Variants in HNF1A observed in about 807,000 individuals in gnomAD.
HNF1A encodes hepatocyte nuclear factor 1-alpha.
HNF1A carries 21 observed loss-of-function variants against 62.2 expected under a neutral mutation model. That is an observed-to-expected ratio of 0.34 (90% CI 0.24 to 0.49). HNF1A has a LOEUF of 0.49. Among genes scored for constraint, HNF1A ranks in the 20% least tolerant of loss-of-function variants. The pLI is 0.99. For synonymous variants in HNF1A, 374 were observed against 366.8 expected (o/e 1.02, Z -0.22); for missense variants, 687 against 832.3 (o/e 0.83, Z 2.15).
At position 120,996,817 on chromosome 12, in the gene HNF1A, G is replaced by A; in HGVS notation, c.1309+75G>A. ...ACCGCAGAATCCAGGAGCTGGAAGA[G>A]CCACTGGGACTCATTCATTCATTCA... On this transcript the variant is annotated intron_variant, in intron 6 of 9. Coordinates refer to ENST00000257555, the MANE Select transcript of HNF1A (RefSeq NM_000545.8). The surrounding 1 kb of genome is among the most constrained non-coding windows in gnomAD (Gnocchi z 4.5). 6.4e-7 allele frequency: 1 copy of A among 1,554,218 alleles called. No individual in the cohort carries two copies. The highest frequency in any genetic ancestry group is 8.7e-7 in the Non-Finnish European group (1 of 1,152,972).
Position 120,994,266 on chromosome 12 carries a change from C to G in HNF1A, c.816C>G (p.Arg272=), listed in dbSNP as rs2135841894. The G allele has an allele frequency of 6.2e-7, 1 of 1,613,542 alleles. No individual in the cohort carries two copies. Among genetic ancestry groups the G allele is most frequent in the South Asian group, 1.1e-5 (1 of 90,956 alleles). Residue 272 remains arginine, a synonymous_variant, in exon 4 of 10, where the codon CGC becomes CGG. Coordinates refer to ENST00000257555, the MANE Select transcript of HNF1A (RefSeq NM_000545.8). ...VRVYNWFANR[R]KEEAFRHKLA... is the part of the protein sequence containing the mutation. ...TCTACAACTGGTTTGCCAACCGGCG[C>G]AAAGAAGAAGCCTTCCGGCACAAGC...
In HNF1A at chr12:120,993,652, G is replaced by A; in HGVS notation, c.659G>A (p.Arg220Lys). ...SQQILFQAYERQKNPSKEERE... is the reference protein window; with the variant it reads ...SQQILFQAYEKQKNPSKEERE... ...CAGATCCTGTTCCAGGCCTATGAGA[G>A]GCAGAAGAACCCTAGCAAGGAGGAG... Residue 220 changes from arginine (R) to lysine (K), a missense_variant, in exon 3 of 10, where the codon AGG (arginine) becomes AAG (lysine). This residue lies in a region of HNF1A where 47 missense variants were observed against 109.4 expected (regional missense o/e 0.43). Coordinates refer to ENST00000257555, the MANE Select transcript of HNF1A (RefSeq NM_000545.8). The A allele has an allele frequency of 2.5e-6, 4 of 1,614,126 alleles. No individual in the cohort carries two copies. Among genetic ancestry groups the A allele is most frequent in the Non-Finnish European group, 3.4e-6 (4 of 1,180,032 alleles).
rs1555211904 is a variant in HNF1A, at chr12:120,993,519, G to A, written c.527-1G>A. 6.2e-7 allele frequency: 1 copy of A among 1,613,924 alleles called. No individual in the cohort carries two copies. Among genetic ancestry groups the A allele is most frequent in the Non-Finnish European group, 8.5e-7 (1 of 1,179,922 alleles). ...CCACTCACGGCTTTCTGTGCCTGCA[G>A]AGTTCACCCATGCAGGGCAGGGAGG... On this transcript the variant is annotated splice_acceptor_variant, in intron 2 of 9. Coordinates refer to ENST00000257555, the MANE Select transcript of HNF1A (RefSeq NM_000545.8). LOFTEE classifies it high-confidence loss of function.
rs2135845035 is a variant in HNF1A at position 120,996,253 on chromosome 12, C to T, written c.956-9C>T. 2 of 1,613,900 alleles carry T rather than the reference C, an allele frequency of 1.2e-6. No homozygotes were observed. Among genetic ancestry groups the T allele is most frequent in the Non-Finnish European group, 1.7e-6 (2 of 1,180,018 alleles). ...GGGTGCTGAGGCAGGACACTGCTTC[C>T]CTCTCCAGGTGTGCGCTATGGACAG... On this transcript the variant is annotated splice_polypyrimidine_tract_variant and intron_variant, in intron 4 of 9. Transcript: ENST00000257555. This position sits in a 1 kb window ranked among gnomAD's most constrained non-coding sequence, Gnocchi z 4.5.
chr12:120,989,389 C>T (rs959823180), intron 2 of HNF1A, among the ~76,000 whole-genome samples: 1 of 152,206 alleles, frequency 6.6e-6, no homozygotes, highest in African/African-American at 2.4e-5. Flanking sequence ...TCCGGAATAG[C>T]TGGGATCACA....
Position 120,996,644 on chromosome 12 carries a change from T to C in HNF1A, c.1211T>C (p.Ile404Thr), listed in dbSNP as rs1204512745. 7 of 1,614,006 alleles carry C rather than the reference T, an allele frequency of 4.3e-6. No homozygotes were observed. Among genetic ancestry groups the C allele is most frequent in the South Asian group, 3.3e-5 (3 of 91,072 alleles). ...PGLNQQPQNL[I>T]MASLPGVMTI... is the part of the protein sequence containing the mutation. ...CTCAACCAGCAGCCCCAGAACCTCA[T>C]CATGGCCTCACTTCCTGGGGTCATG... Residue 404 changes from isoleucine to threonine, a missense_variant, in exon 6 of 10, where the codon ATC (isoleucine) becomes ACC (threonine). Transcript: ENST00000257555. The surrounding 1 kb of genome is among the most constrained non-coding windows in gnomAD (Gnocchi z 4.5).
intron 9 of HNF1A, 80 bp downstream of exon 9, chr12:120,999,707 G>A (rs1231006507): frequency 1.5e-5 from 22 of 1,514,878 alleles, no homozygotes; most frequent in East Asian, 4.8e-5. Flanking sequence ...GTTGCTGTCC[G>A]TCACTGTGGG....
At chr12:120,980,285 C>T (rs1298405447) in intron 1 of HNF1A, among the ~76,000 whole-genome samples, 3 of 151,974 alleles carry the variant, frequency 2.0e-5, no homozygotes, top group Non-Finnish European at 4.4e-5. Flanking sequence ...CAGGGGGTGG[C>T]CAGGGAGTCA....
intron 4 of HNF1A, among the ~76,000 whole-genome samples, chr12:120,995,943 ATTCAATTCAT>A (rs1446658310): frequency 6.6e-6 from 1 of 152,164 alleles, no homozygotes; most frequent in Non-Finnish European, 1.5e-5. Context: ...GATTGTATCA[ATTCAATTCAT>A]TTCAATTCAA....
chr12:120,985,040 G>A (rs1174993411), intron 1 of HNF1A, among the ~76,000 whole-genome samples: 1 of 151,476 alleles, frequency 6.6e-6, no homozygotes, highest in Non-Finnish European at 1.5e-5. Context: ...CGACCTCTCG[G>A]GCTCAAGAGA....
At chr12:120,988,268 C>G (rs965711596) in intron 1 of HNF1A, among the ~76,000 whole-genome samples, 3 of 144,978 alleles carry the variant, frequency 2.1e-5, no homozygotes, top group Non-Finnish European at 4.6e-5. Context: ...ATCCACCCAC[C>G]CACCCACCAA....
chr12:120,994,465 C>A (rs779186810), intron 4 of HNF1A, 60 bp downstream of exon 4: 123 of 1,541,262 alleles, frequency 8.0e-5, no homozygotes, highest in South Asian at 3.4e-4. Flanking sequence ...GGAGGACTGT[C>A]CCAGTGACAG....
At position 121,001,390 on chromosome 12, in the gene HNF1A, T is replaced by G. The variant is rs1592901155; in HGVS notation, c.*198T>G. The stretch of plus-strand genomic sequence containing the variant: ...CCCAACCCGTGGAGGCTGCTCGGGG[T>G]GCACAGGAGGGGGTCGTGGAGAGCT... On this transcript the variant is annotated 3_prime_UTR_variant, in exon 10 of 10. Transcript: ENST00000257555. 1 of 635,990 alleles carries G rather than the reference T, an allele frequency of 1.6e-6. No homozygotes were observed. 39.4% of individuals were successfully genotyped at this position (635,990 alleles called of 1,614,324 possible). A position where few individuals can be genotyped will look rare whatever the true frequency, so the allele number is the denominator to read the frequency against.
chr12:121,001,221 C>A lies in HNF1A; in HGVS notation c.*29C>A. The stretch of plus-strand genomic sequence containing the variant: ...CGGCACCTGGGCCCTGGGGCCTGTA[C>A]TGCCTGCTTGGGGGGTGATGAGGGC... On this transcript the variant is annotated 3_prime_UTR_variant, in exon 10 of 10. Transcript: ENST00000257555. The A allele has an allele frequency of 6.2e-7, 1 of 1,612,840 alleles. No homozygotes were observed. Among genetic ancestry groups the A allele is most frequent in the Non-Finnish European group, 8.5e-7 (1 of 1,179,606 alleles).
At chr12:120,992,762 C>G (rs577142232) in intron 2 of HNF1A, among the ~76,000 whole-genome samples, 1 of 152,310 alleles carries the variant, frequency 6.6e-6, no homozygotes, top group Non-Finnish European at 1.5e-5. Flanking sequence ...GAGACCCCAT[C>G]TCTCCAAAAA....
At chr12:120,993,845 A>G (rs1876947734) in intron 3 of HNF1A, 139 bp downstream of exon 3, 2 of 957,702 alleles carry the variant, frequency 2.1e-6, no homozygotes, top group Non-Finnish European at 1.6e-6. Context: ...GGCCCAGAAA[A>G]TTGAGAATAC....
intron 9 of HNF1A, chr12:121,000,795 AC>A: frequency 2.0e-6 from 1 of 500,742 alleles, no homozygotes; most frequent in South Asian, 2.0e-5. Flanking sequence ...CCAAGCCAAC[AC>A]GTACAACTAC....
chr12:120,990,459 AGCCAGGCAT>A (rs148051661), intron 2 of HNF1A, among the ~76,000 whole-genome samples: 8,830 of 152,170 alleles, frequency 0.058, 480 homozygotes, highest in East Asian at 0.19. Context: ...AAAAGGAAAT[AGCCAGGCAT>A]GGTGGTGTGC....
chr12:120,983,694 C>G (rs56309579), intron 1 of HNF1A, among the ~76,000 whole-genome samples: 2,156 of 151,892 alleles, frequency 0.014, 27 homozygotes, highest in Non-Finnish European at 0.019. Flanking sequence ...CACAGGCATA[C>G]GACACCACAC....
Sources: allele counts gnomAD v4.1 joint callset (sites outside exome capture counted in the v4.1 genomes callset), GRCh38; gene constraint gnomAD v4.1.1; regional missense constraint gnomAD v4.1.1; non-coding constraint Gnocchi (gnomAD v3.1); transcripts MANE v1.5; gene names NCBI Gene and HGNC (gene_info 2026-07-23, HGNC 2026-07-21).